Variants in OLFM1 observed in about 807,000 individuals in gnomAD.
OLFM1 encodes the protein noelin.
A neutral mutation model predicts 49.7 loss-of-function variants in OLFM1; 9 were observed. The observed-to-expected ratio is 0.18, with a 90% confidence interval of 0.11 to 0.32. The LOEUF (loss-of-function observed/expected upper bound fraction) is 0.32. Ranked by LOEUF, OLFM1 falls within the 10% of genes least tolerant of loss-of-function variation. OLFM1 has a pLI of 1.00. For missense variants in OLFM1, 369 were observed against 661.8 expected (o/e 0.56, Z 4.85); for synonymous variants, 240 against 271.8 (o/e 0.88, Z 1.15).
At chr9:135,103,711 T>C (rs4842220) in intron 4 of OLFM1, among the ~76,000 whole-genome samples, 123,702 of 152,082 alleles carry the variant, frequency 0.81, 50,639 homozygotes, top group African/African-American at 0.84. Context: ...CCACGTCCAC[T>C]TGGGCTCGCC....
Position 135,080,185 on chromosome 9 carries a change from C to G in OLFM1, c.96+4383C>G, listed in dbSNP as rs1475489150. 6.6e-6 allele frequency among the ~76,000 whole-genome samples: 1 copy of G among 151,920 alleles called. No individual in the cohort carries two copies. The highest frequency in any genetic ancestry group is 1.5e-5 in the Non-Finnish European group (1 of 68,020). ...AATCCAACAAGTAGAAACGGCTAAA[C>G]ACTTTTACCTGCTGCAACCTAAGCT... On this transcript the variant is annotated intron_variant, in intron 1 of 5. Transcript: ENST00000252854. This position sits in a 1 kb window ranked among gnomAD's most constrained non-coding sequence, Gnocchi z 4.5.
chr9:135,088,227 G>GCCGCGCGGGAC lies in OLFM1; in HGVS notation c.150+92_150+102dup. On this transcript the variant is annotated intron_variant, in intron 1 of 5. Coordinates refer to ENST00000371793, the MANE Select transcript of OLFM1 (RefSeq NM_001282611.2). The surrounding 1 kb of genome is among the most constrained non-coding windows in gnomAD (Gnocchi z 4.8). ...GTCCGGAGCCCCGGGCTGGGCGGGC[G>GCCGCGCGGGAC]CCGCGCGGGACCCGAGTCGCCCAGG... is the stretch of plus-strand genomic sequence containing the variant. 4 of 1,163,248 alleles carry GCCGCGCGGGAC rather than the reference G, an allele frequency of 3.4e-6. No individual in the cohort carries two copies. The highest frequency in any genetic ancestry group is 4.3e-6 in the Non-Finnish European group (4 of 930,104). The allele number at this position is 1,163,248 out of a possible 1,614,324, so 72.1% of individuals were successfully genotyped here. A position where few individuals can be genotyped will look rare whatever the true frequency, so the allele number is the denominator to read the frequency against.
chr9:135,098,331 T>C lies in OLFM1; in HGVS notation c.502T>C (p.Leu168=), dbSNP rs779838767. The change falls in exon 4 of 6, where the codon TTG becomes CTG. Residue 168 remains leucine, a synonymous_variant. Coordinates refer to ENST00000371793, the MANE Select transcript of OLFM1 (RefSeq NM_001282611.2). This position sits in a 1 kb window ranked among gnomAD's most constrained non-coding sequence, Gnocchi z 5.6. ...TGAACTTAGGCCTTTGATACCTGTG[T>C]TGGAAGAGTACAAGGCCGATGCCAA... ...MDELRPLIPV[L]EEYKADAKLV... is the part of the protein sequence containing the mutation. The C allele has an allele frequency of 1.2e-6, 2 of 1,613,738 alleles. No individual in the cohort carries two copies. The highest frequency in any genetic ancestry group is 2.7e-5 in the African/African-American group (2 of 74,922).
At chr9:135,109,321 G>A (rs1830989931) in intron 5 of OLFM1, among the ~76,000 whole-genome samples, 1 of 152,248 alleles carries the variant, frequency 6.6e-6, no homozygotes, top group South Asian at 2.1e-4. Context: ...CGCAGCGAGG[G>A]TGTGGGTTTG....
In OLFM1 at chr9:135,119,577, C is replaced by T. The variant is rs372599021; in HGVS notation, c.857C>T (p.Thr286Met). ...AAGTCCATGGTTGACTTCATGAACA[C>T]GGACAATTTCACCTCCCACCGTCTC... The part of the protein sequence containing the change: ...EYKSMVDFMN[T>M]DNFTSHRLPH... The change falls in exon 6 of 6, where the codon ACG becomes ATG. Residue 286 changes from threonine (T) to methionine (M), a missense_variant. Transcript: ENST00000371793. 1.8e-5 allele frequency: 29 copies of T among 1,613,982 alleles called. No homozygotes were observed. The highest frequency in any genetic ancestry group is 2.3e-5 in the Non-Finnish European group (27 of 1,180,026).
At chr9:135,082,602 C>A (rs1466371573) in intron 1 of OLFM1, among the ~76,000 whole-genome samples, 1 of 152,166 alleles carries the variant, frequency 6.6e-6, no homozygotes, top group African/African-American at 2.4e-5. Flanking sequence ...AGTCCTTGAA[C>A]CCCTGCCCAG....
In OLFM1 at chr9:135,098,871, G is replaced by C. The variant is rs957234098; in HGVS notation, c.676+366G>C. Among the ~76,000 whole-genome samples, 1 of 152,240 alleles carries C rather than the reference G, an allele frequency of 6.6e-6. No individual in the cohort carries two copies. Among genetic ancestry groups the C allele is most frequent in the Non-Finnish European group, 1.5e-5 (1 of 68,046 alleles). On this transcript the variant is annotated intron_variant, in intron 4 of 5. Transcript: ENST00000371793. The surrounding 1 kb of genome is among the most constrained non-coding windows in gnomAD (Gnocchi z 5.6). ...AACATCTCAGATTCCTCCGGATTGA[G>C]AACGGGGGCTGGTGGAGCTCCTGAA...
At chr9:135,084,403 CCTCTCTGTCTCTCTTCTGTCT>C (rs1180871433), upstream of OLFM1, among the ~76,000 whole-genome samples, 3 of 147,778 alleles carry the variant, frequency 2.0e-5, no homozygotes, top group African/African-American at 7.8e-5. The surrounding 1 kb of genome is among the most constrained non-coding windows in gnomAD (Gnocchi z 4.6). Context: ...TATTATCTCT[CCTCTCTGTCTCTCTTCTGTCT>C]CTCCTCTCTG....
chr9:135,112,300 G>A (rs933996050), intron 5 of OLFM1, among the ~76,000 whole-genome samples: 1 of 152,250 alleles, frequency 6.6e-6, no homozygotes, highest in Non-Finnish European at 1.5e-5. Flanking sequence ...AGAGTCTCTG[G>A]TCTCTGCTGT....
At chr9:135,082,612 G>C (rs1830547058) in intron 1 of OLFM1, among the ~76,000 whole-genome samples, 1 of 152,154 alleles carries the variant, frequency 6.6e-6, no homozygotes, top group Admixed American at 6.5e-5. Flanking sequence ...CCCCTGCCCA[G>C]CCTCCTTCCC....
chr9:135,109,139 C>T (rs1830987645), intron 5 of OLFM1, among the ~76,000 whole-genome samples: 1 of 152,102 alleles, frequency 6.6e-6, no homozygotes, highest in South Asian at 2.1e-4. Flanking sequence ...CTGTACCTTA[C>T]ACCCCCCAGG....
At chr9:135,096,995 T>G (rs78382614) in intron 3 of OLFM1, among the ~76,000 whole-genome samples, 2,160 of 152,302 alleles carry the variant, frequency 0.014, 22 homozygotes, top group Middle Eastern at 0.027. Flanking sequence ...AAACGTTATA[T>G]GCCGCCTTAA....
chr9:135,109,819 G>A (rs948909352), intron 5 of OLFM1, among the ~76,000 whole-genome samples: 8 of 152,184 alleles, frequency 5.3e-5, no homozygotes, highest in Admixed American at 1.3e-4. Context: ...GGTTCAATGG[G>A]GCTGCCTAGT....
At position 135,098,418 on chromosome 9, in the gene OLFM1, G is replaced by A; in HGVS notation, c.589G>A (p.Glu197Lys). ...NLTSVLNELQEEIGAYDYDEL... is the reference protein window; with the variant it reads ...NLTSVLNELQKEIGAYDYDEL... ...GACGTCAGTGCTTAACGAGCTGCAA[G>A]AGGAAATTGGCGCCTATGACTACGA... Residue 197 changes from glutamate to lysine, a missense_variant, in exon 4 of 6, where the codon GAG becomes AAG. By Grantham distance (56) the Glu-to-Lys change is moderately conservative (BLOSUM62 1). Transcript: ENST00000371793. The surrounding 1 kb of genome is among the most constrained non-coding windows in gnomAD (Gnocchi z 5.6). 6.2e-7 allele frequency: 1 copy of A among 1,613,934 alleles called. No individual in the cohort carries two copies. The highest frequency in any genetic ancestry group is 8.5e-7 in the Non-Finnish European group (1 of 1,180,038).
intron 5 of OLFM1, among the ~76,000 whole-genome samples, chr9:135,114,340 C>A (rs1831066600): frequency 6.6e-6 from 1 of 151,952 alleles, no homozygotes; most frequent in Non-Finnish European, 1.5e-5. Flanking sequence ...AGGTCTCGAA[C>A]TCCTGACCTC....
chr9:135,112,922 A>T (rs1186691717), intron 5 of OLFM1, among the ~76,000 whole-genome samples: 1 of 152,164 alleles, frequency 6.6e-6, no homozygotes, highest in Non-Finnish European at 1.5e-5. Flanking sequence ...AGGGATGAGC[A>T]GGTGCGGGGA....
chr9:135,118,391 GGTCTTTGGAGTGCTCGCTGT>G (rs754297948), intron 5 of OLFM1, among the ~76,000 whole-genome samples: 12,801 of 143,062 alleles, frequency 0.089, 807 homozygotes, highest in Middle Eastern at 0.11. Flanking sequence ...GTGCTCGCTG[GGTCTTTGGAGTGCTCGCTGT>G]GTCTTTGGAG....
chr9:135,098,210 G>T lies in OLFM1; in HGVS notation c.457-76G>T. On this transcript the variant is annotated intron_variant, in intron 3 of 5. Coordinates refer to ENST00000371793, the MANE Select transcript of OLFM1 (RefSeq NM_001282611.2). This position sits in a 1 kb window ranked among gnomAD's most constrained non-coding sequence, Gnocchi z 5.6. Reference sequence around the variant, plus strand: ...GAATATACACACTTTCCCTCACCTAGGGAGAAGCCAGGCCAAGGCAGGGTG... The same window carrying T: ...GAATATACACACTTTCCCTCACCTATGGAGAAGCCAGGCCAAGGCAGGGTG... 1 of 1,560,230 alleles carries T rather than the reference G, an allele frequency of 6.4e-7. No homozygotes were observed. The highest frequency in any genetic ancestry group is 8.7e-7 in the Non-Finnish European group (1 of 1,145,440).
intron 1 of OLFM1, chr9:135,076,020 G>A (rs766937626): frequency 1.4e-6 from 2 of 1,445,200 alleles, no homozygotes; most frequent in African/African-American, 1.5e-5. Flanking sequence ...CTCCAGCCCC[G>A]GCTCAGCAGA....
Sources: allele counts gnomAD v4.1 joint callset (sites outside exome capture counted in the v4.1 genomes callset), GRCh38; gene constraint gnomAD v4.1.1; non-coding constraint Gnocchi (gnomAD v3.1); transcripts MANE v1.5; gene names NCBI Gene and HGNC (gene_info 2026-07-23, HGNC 2026-07-21).